The following SWT1 variants were observed in gnomAD, a reference collection of about 807,000 sequenced individuals.
SWT1 encodes SWT1 RNA endoribonuclease homolog.
SWT1 carries 33 observed loss-of-function variants against 107.3 expected under a neutral mutation model. The observed-to-expected ratio is 0.31, with a 90% CI of 0.23 to 0.41. The LOEUF (loss-of-function observed/expected upper bound fraction) is 0.41, where lower values mean the gene tolerates loss of function less well. SWT1 is among the 10% of genes least tolerant of loss of function. The probability of loss-of-function intolerance (pLI) is 1.00; values close to 1 mark genes in which losing one functional copy is unlikely to be tolerated. For missense variants in SWT1, 898 were observed against 1,028.9 expected (o/e 0.87, Z 1.74); for synonymous variants, 345 against 348.3 (o/e 0.99, Z 0.11).
In SWT1 at chr1:185,168,370, A is replaced by C. The variant is rs567949934; in HGVS notation, c.196A>C (p.Asn66His). ...KSDHTDVLYY[N>H]IKRRQGLKRL... is the part of the protein sequence containing the mutation. ...AGATCATACAGATGTTCTGTACTAT[A>C]ATATAAAAAGAAGACAAGGACTGAA... is the stretch of plus-strand genomic sequence containing the variant. The change falls in exon 4 of 19, where the codon AAT becomes CAT. Residue 66 changes from asparagine to histidine, a missense_variant. Asn to His is a moderately conservative substitution (Grantham distance 68, BLOSUM62 1). This residue lies in a region of SWT1 where 382 missense variants were observed against 362.4 expected (regional missense o/e 1.05). Transcript: ENST00000367500. 433 of 1,387,276 alleles carry C rather than the reference A, an allele frequency of 3.1e-4. 2 individuals are homozygous for C. The South Asian group carries it at 5.7e-3, about 18-fold the overall frequency. 85.9% of individuals were successfully genotyped at this position (1,387,276 alleles called of 1,614,324 possible).
At chr1:185,274,322 A>G (rs898525733) in intron 17 of SWT1, among the ~76,000 whole-genome samples, 7 of 148,172 alleles carry the variant, frequency 4.7e-5, no homozygotes, top group African/African-American at 1.7e-4. Context: ...TATATATATT[A>G]TATATAGATG....
chr1:185,288,646 T>C (rs934992249), intron 18 of SWT1, among the ~76,000 whole-genome samples: 3 of 152,052 alleles, frequency 2.0e-5, no homozygotes, highest in Non-Finnish European at 2.9e-5. Flanking sequence ...GTAATGACAG[T>C]GTAACTGTTA....
At chr1:185,193,465 T>TTA in intron 10 of SWT1, among the ~76,000 whole-genome samples, 1 of 150,212 alleles carries the variant, frequency 6.7e-6, no homozygotes, top group South Asian at 2.1e-4. Flanking sequence ...ACTTTTTCTT[T>TTA]TCTTTTTTTT....
At chr1:185,216,811 G>C (rs1277746663) in intron 14 of SWT1, among the ~76,000 whole-genome samples, 5 of 152,074 alleles carry the variant, frequency 3.3e-5, no homozygotes, top group African/African-American at 1.2e-4. Context: ...AATTAGCCAG[G>C]CATGGTGGCA....
chr1:185,237,602 A>G (rs984994777), intron 16 of SWT1, among the ~76,000 whole-genome samples: 3 of 152,134 alleles, frequency 2.0e-5, no homozygotes, highest in African/African-American at 7.2e-5. Flanking sequence ...AATGTAGATG[A>G]TGGGTTAATG....
intron 16 of SWT1, among the ~76,000 whole-genome samples, chr1:185,247,354 A>G (rs1462711838): frequency 1.3e-5 from 2 of 152,206 alleles, no homozygotes; most frequent in African/African-American, 4.8e-5. Context: ...GGAAGATACA[A>G]TGTTAGGAAA....
rs144629110 is a variant in SWT1, at chr1:185,198,863, G to T, written c.1524-3791G>T. The stretch of plus-strand genomic sequence containing the variant: ...ACATGAGATGGGGCTCCTGAATACA[G>T]CACACTGATGGGTCTTAACTCTTTA... On this transcript the variant is annotated intron_variant, in intron 10 of 18. Coordinates refer to ENST00000367500, the MANE Select transcript of SWT1 (RefSeq NM_017673.7). Among the ~76,000 whole-genome samples, 886 of 150,930 alleles carry T rather than the reference G, an allele frequency of 5.9e-3. 32 individuals carry two copies. In the East Asian group the frequency reaches 0.095, roughly 16 times the overall value.
At position 185,203,827 on chromosome 1, in the gene SWT1, T is replaced by A. The variant is rs1425759962; in HGVS notation, c.1670-873T>A. ...TTATATATAATTGTGAAAATAGTCATATATACATATATACTACTTATTTAC... is the reference window on the plus strand; with the variant it reads ...TTATATATAATTGTGAAAATAGTCAAATATACATATATACTACTTATTTAC... On this transcript the variant is annotated intron_variant, in intron 11 of 18. Transcript: ENST00000367500. Among the ~76,000 whole-genome samples the A allele has an allele frequency of 4.6e-5, 7 of 152,292 alleles. No homozygotes were observed. In the East Asian group the frequency reaches 1.3e-3, roughly 29 times the overall value.
Position 185,276,645 on chromosome 1 carries a change from T to C in SWT1, c.2550T>C (p.Asp850=). The C allele has an allele frequency of 6.3e-7, 1 of 1,585,666 alleles. No individual in the cohort carries two copies. The highest frequency in any genetic ancestry group is 8.6e-7 in the Non-Finnish European group (1 of 1,158,830). The change falls in exon 18 of 19, where the codon GAT becomes GAC. Residue 850 remains aspartate, a synonymous_variant. Transcript: ENST00000367500. The stretch of plus-strand genomic sequence containing the variant: ...AATTTACTGCCCAGGAAATTTATGA[T>C]TGTGTTTCTCAGACTGAGTATAGGT... The part of the protein sequence containing the change: ...NVKFTAQEIY[D]CVSQTEYREK...
intron 4 of SWT1, among the ~76,000 whole-genome samples, chr1:185,169,319 A>T: frequency 7.0e-6 from 1 of 143,672 alleles, no homozygotes; most frequent in African/African-American, 2.6e-5. Context: ...CTAAAACACT[A>T]TTTGACTTTA....
At chr1:185,269,210 T>A (rs1663652453) in intron 16 of SWT1, among the ~76,000 whole-genome samples, 1 of 152,200 alleles carries the variant, frequency 6.6e-6, no homozygotes, top group African/African-American at 2.4e-5. Flanking sequence ...TTCCCTTGCC[T>A]TTCTAAAGGA....
At chr1:185,159,277 A>G (rs1189012685) in intron 1 of SWT1, among the ~76,000 whole-genome samples, 2 of 152,254 alleles carry the variant, frequency 1.3e-5, no homozygotes, top group African/African-American at 4.8e-5. Flanking sequence ...TGGCCAGCAC[A>G]TGAAGTCTCC....
chr1:185,264,487 T>C, intron 16 of SWT1: 1 of 980,176 alleles, frequency 1.0e-6, no homozygotes, highest in Non-Finnish European at 1.2e-6. Flanking sequence ...AGAAATAGAA[T>C]AATAATAGTA....
rs1558006265 is a variant in SWT1 at position 185,167,561 on chromosome 1, T to C, written c.166-779T>C. On this transcript the variant is annotated intron_variant, in intron 3 of 18. Transcript: ENST00000367500. Reference sequence around the variant, plus strand: ...TCTATTTATTTTTGCAATATTAACCTTCTTGAAACACCGATTTCATCCCAT... The same window carrying C: ...TCTATTTATTTTTGCAATATTAACCCTCTTGAAACACCGATTTCATCCCAT... 2.0e-5 allele frequency among the ~76,000 whole-genome samples: 3 copies of C among 152,360 alleles called. No homozygotes were observed. The South Asian group carries it at 6.2e-4, about 32-fold the overall frequency.
intron 1 of SWT1, among the ~76,000 whole-genome samples, chr1:185,159,907 A>G (rs1653995750): frequency 6.6e-6 from 1 of 151,944 alleles, no homozygotes; most frequent in Admixed American, 6.6e-5. Flanking sequence ...TATTTTTAGT[A>G]GAGATGAGGT....
intron 15 of SWT1, among the ~76,000 whole-genome samples, 160 bp from the exon 16 acceptor site, chr1:185,231,417 T>C (rs1156535747): frequency 2.0e-5 from 3 of 152,234 alleles, no homozygotes; most frequent in Admixed American, 1.3e-4. Context: ...TCCCAGACTT[T>C]CGTATTTTAC....
intron 16 of SWT1, among the ~76,000 whole-genome samples, chr1:185,250,669 A>G (rs950730146): frequency 1.3e-5 from 2 of 151,996 alleles, no homozygotes; most frequent in Non-Finnish European, 2.9e-5. Flanking sequence ...ATTTAATTTA[A>G]TTTTATTTTT....
At position 185,174,871 on chromosome 1, in the gene SWT1, G is replaced by A; in HGVS notation, c.724G>A (p.Asp242Asn). 1.2e-6 allele frequency: 2 copies of A among 1,614,024 alleles called. No homozygotes were observed. Among genetic ancestry groups the A allele is most frequent in the Non-Finnish European group, 1.7e-6 (2 of 1,179,998 alleles). ...TTTCAAAATCCCTATAAAATCCCGTGACACCCTCCAGAAACTTGTAGAAGA... is the reference window on the plus strand; with the variant it reads ...TTTCAAAATCCCTATAAAATCCCGTAACACCCTCCAGAAACTTGTAGAAGA... Reference protein sequence around the residue: ...ISFKIPIKSRDTLQKLVEENV... With the variant: ...ISFKIPIKSRNTLQKLVEENV... Residue 242 changes from aspartate (D) to asparagine (N), a missense_variant, in exon 5 of 19, where the codon GAC becomes AAC. Around this residue, in one of 6 missense-constraint regions of SWT1, gnomAD observed 382 missense variants for 362.4 expected, o/e 1.05. Coordinates refer to ENST00000367500, the MANE Select transcript of SWT1 (RefSeq NM_017673.7).
chr1:185,285,997 C>T (rs1160704745), intron 18 of SWT1, among the ~76,000 whole-genome samples: 1 of 152,134 alleles, frequency 6.6e-6, no homozygotes, highest in Non-Finnish European at 1.5e-5. Flanking sequence ...AGTCCTCTAA[C>T]ATTTTCCTTT....
Sources: gnomAD v4.1 joint callset for allele counts (sites outside exome capture counted in the v4.1 genomes callset) on GRCh38, gnomAD v4.1.1 for gene constraint, gnomAD v4.1.1 regional missense constraint, MANE v1.5 for transcripts, NCBI Gene and HGNC (gene_info 2026-07-23, HGNC 2026-07-21) for gene names.